The following RIC3 variants were observed in gnomAD, a reference collection of about 807,000 sequenced individuals.
The protein encoded by RIC3 is RIC3 acetylcholine receptor chaperone.
RIC3 carries 28 observed loss-of-function variants against 27.3 expected under a neutral mutation model. The observed-to-expected ratio is 1.02, with a 90% CI of 0.76 to 1.41. RIC3 has a LOEUF of 1.41. Ranked by LOEUF, RIC3 falls within the 40% of genes most tolerant of loss-of-function variation. RIC3 has a pLI of 0.00. For missense variants in RIC3, 501 were observed against 444.7 expected (o/e 1.13, Z -1.14); for synonymous variants, 184 against 160.4 (o/e 1.15, Z -1.11).
downstream of RIC3, among the ~76,000 whole-genome samples, chr11:8,101,303 C>G (rs1451311268): frequency 1.3e-5 from 2 of 151,938 alleles, no homozygotes; most frequent in African/African-American, 2.4e-5. Context: ...CCTTTGCCAT[C>G]TGCCACCTCT....
chr11:8,133,201 T>C (rs1947945067), intron 4 of RIC3, among the ~76,000 whole-genome samples: 1 of 152,252 alleles, frequency 6.6e-6, no homozygotes, highest in Admixed American at 6.5e-5. Flanking sequence ...CTTTCCACCA[T>C]ATGATGATGC....
chr11:8,120,527 G>C (rs1946319247), intron 5 of RIC3, among the ~76,000 whole-genome samples: 1 of 152,144 alleles, frequency 6.6e-6, no homozygotes, highest in Non-Finnish European at 1.5e-5. Context: ...GGACCTGTCG[G>C]AGGATGGAGG....
intron 1 of RIC3, among the ~76,000 whole-genome samples, chr11:8,147,628 G>T (rs1333976350): frequency 6.6e-6 from 1 of 152,120 alleles, no homozygotes; most frequent in East Asian, 1.9e-4. Context: ...TGGGAAAGCA[G>T]GCTAGATTAT....
downstream of RIC3, chr11:8,101,471 T>C: frequency 6.2e-7 from 1 of 1,614,132 alleles, no homozygotes; most frequent in South Asian, 1.1e-5. Flanking sequence ...TGTCTGTGCC[T>C]GTGCTTGGCC....
At chr11:8,158,224 A>C (rs996109474) in intron 1 of RIC3, among the ~76,000 whole-genome samples, 3 of 152,206 alleles carry the variant, frequency 2.0e-5, no homozygotes, top group African/African-American at 7.2e-5. Flanking sequence ...CAGAGAGATT[A>C]AGACTCAGTG....
At chr11:8,161,010 T>C (rs1316159169) in intron 1 of RIC3, among the ~76,000 whole-genome samples, 1 of 152,218 alleles carries the variant, frequency 6.6e-6, no homozygotes, top group Non-Finnish European at 1.5e-5. Context: ...GGTCTGTGCC[T>C]TTCTCCAAAG....
chr11:8,158,957 T>C (rs1239809931), intron 1 of RIC3, among the ~76,000 whole-genome samples: 2 of 150,568 alleles, frequency 1.3e-5, no homozygotes, highest in African/African-American at 4.9e-5. Flanking sequence ...GGTCTTGAAA[T>C]CCTGACCTTG....
intron 5 of RIC3, among the ~76,000 whole-genome samples, chr11:8,119,657 A>G (rs1304733016): frequency 6.6e-6 from 1 of 152,248 alleles, no homozygotes; most frequent in African/African-American, 2.4e-5. Flanking sequence ...TGACTAAGAC[A>G]CCAAAAGCAA....
chr11:8,136,829 C>T (rs1413119663), intron 4 of RIC3, among the ~76,000 whole-genome samples: 1 of 152,156 alleles, frequency 6.6e-6, no homozygotes, highest in South Asian at 2.1e-4. Context: ...GTAGGAATTA[C>T]TCACAAATTT....
At chr11:8,123,459 A>G (rs1225072290) in intron 5 of RIC3, among the ~76,000 whole-genome samples, 1 of 152,216 alleles carries the variant, frequency 6.6e-6, no homozygotes, top group Non-Finnish European at 1.5e-5. Flanking sequence ...AGTTCTCTGA[A>G]AAGATCAACA....
At chr11:8,161,451 C>T (rs1420303914) in intron 1 of RIC3, among the ~76,000 whole-genome samples, 1 of 152,172 alleles carries the variant, frequency 6.6e-6, no homozygotes, top group African/African-American at 2.4e-5. Flanking sequence ...CCTCACTTTC[C>T]CATTCTATTT....
chr11:8,100,397 G>A, the RIC3 span: 1 of 851,598 alleles, frequency 1.2e-6, no homozygotes, highest in Admixed American at 2.0e-5. Flanking sequence ...AGACTTCGGA[G>A]TGGAGATGGT....
chr11:8,126,994 A>C, intron 4 of RIC3, 187 bp from the exon 5 acceptor site: 1 of 689,064 alleles, frequency 1.5e-6, no homozygotes, highest in Non-Finnish European at 2.4e-6. Context: ...TTGATTTTAT[A>C]AATGGGAAAA....
chr11:8,113,706 G>A (rs755386825), intron 5 of RIC3, among the ~76,000 whole-genome samples: 14 of 152,118 alleles, frequency 9.2e-5, no homozygotes, highest in African/African-American at 2.7e-4. Context: ...GCATTGGGCC[G>A]GCCCTCAGAA....
In RIC3 at chr11:8,110,485, C is replaced by G; in HGVS notation, c.*213G>C. 1.6e-6 allele frequency: 1 copy of G among 624,606 alleles called. No individual in the cohort carries two copies. Among genetic ancestry groups the G allele is most frequent in the African/African-American group, 1.8e-5 (1 of 55,012 alleles). The allele number at this position is 624,606 out of a possible 1,614,324, so 38.7% of individuals were successfully genotyped here. A position where few individuals can be genotyped will look rare whatever the true frequency, so the allele number is the denominator to read the frequency against. ...AGAGGAAAGGCAGGAAGAGAAAGAG[C>G]GAAGCTGTCCTGTGTTCACACTAAT... is the stretch of plus-strand genomic sequence containing the variant. On this transcript the variant is annotated 3_prime_UTR_variant, in exon 6 of 6. Coordinates refer to ENST00000309737, the MANE Select transcript of RIC3 (RefSeq NM_001206671.4).
chr11:8,126,641 T>G lies in RIC3; in HGVS notation c.670+18A>C. On this transcript the variant is annotated intron_variant, in intron 5 of 5. Transcript: ENST00000309737. Reference sequence around the variant, plus strand: ...TCTGGGCTGACAGCTAACAAAAAAATGAGAAGACACTGTTTACCTTCCCAG... The same window carrying G: ...TCTGGGCTGACAGCTAACAAAAAAAGGAGAAGACACTGTTTACCTTCCCAG... 6.2e-7 allele frequency: 1 copy of G among 1,611,504 alleles called. No homozygotes were observed. The highest frequency in any genetic ancestry group is 8.5e-7 in the Non-Finnish European group (1 of 1,178,626).
chr11:8,109,265 T>C lies in RIC3; in HGVS notation c.*1433A>G, dbSNP rs912331919. 3.3e-5 allele frequency: 5 copies of C among 152,240 alleles called. No homozygotes were observed. The highest frequency in any genetic ancestry group is 5.9e-5 in the Non-Finnish European group (4 of 68,046). 9.4% of individuals were successfully genotyped at this position (152,240 alleles called of 1,614,324 possible). A position where few individuals can be genotyped will look rare whatever the true frequency, so the allele number is the denominator to read the frequency against. The stretch of plus-strand genomic sequence containing the variant: ...GCATAATGTAACTCTAAAAGCCATA[T>C]CTACCTTTACATAATGTCTTAATTT... On this transcript the variant is annotated 3_prime_UTR_variant, in exon 6 of 6. Transcript: ENST00000309737.
In RIC3 at chr11:8,152,421, A is replaced by G. The variant is rs992364080; in HGVS notation, c.125-12228T>C. On this transcript the variant is annotated intron_variant, in intron 1 of 5. Transcript: ENST00000309737. ...ATAAAGTACTGATCCATACTACAAC[A>G]TGGATGAACTCCGAAAATATTATAA... Among the ~76,000 whole-genome samples, 104 of 152,250 alleles carry G rather than the reference A, an allele frequency of 6.8e-4. 1 individual carries two copies. Among genetic ancestry groups the G allele is most frequent in the African/African-American group, 2.5e-3 (102 of 41,474 alleles).
At chr11:8,139,204 C>T (rs1450529745) in intron 2 of RIC3, 4 of 152,316 alleles carry the variant, frequency 2.6e-5, no homozygotes, top group Admixed American at 2.0e-4. Flanking sequence ...ACCCTATGGG[C>T]ATTCTTACAG....
Sources: gnomAD v4.1 joint callset for allele counts (sites outside exome capture counted in the v4.1 genomes callset) on GRCh38, gnomAD v4.1.1 for gene constraint, MANE v1.5 for transcripts, NCBI Gene and HGNC (gene_info 2026-07-23, HGNC 2026-07-21) for gene names.